Variants in FHIP1A observed in about 807,000 individuals in gnomAD.
The protein encoded by FHIP1A is FHF complex subunit HOOK interacting protein 1A, also known as FHF complex subunit HOOK-interacting protein 1A.
FHIP1A carries 61 observed loss-of-function variants against 88.6 expected under a neutral mutation model. The ratio of observed to expected loss-of-function variants is 0.69; its 90% CI spans 0.56 to 0.85. FHIP1A has a LOEUF of 0.85. Among genes scored for constraint, FHIP1A ranks in the 40% least tolerant of loss-of-function variants. The pLI, the probability that FHIP1A is intolerant of heterozygous loss-of-function variation, is 0.00. For missense variants in FHIP1A, 1,154 were observed against 1,273.5 expected, an observed-to-expected ratio of 0.91 and a Z score of 1.43; for synonymous variants, 478 against 496.0, an observed-to-expected ratio of 0.96 and a Z score of 0.48.
chr4:151,415,288 G>A (rs750472804), intron 1 of FHIP1A, among the ~76,000 whole-genome samples: 1 of 151,846 alleles, frequency 6.6e-6, no homozygotes, highest in Non-Finnish European at 1.5e-5. Context: ...CCAGGTTCGA[G>A]CAATTCTCCT....
intron 1 of FHIP1A, among the ~76,000 whole-genome samples, chr4:151,436,779 T>A (rs971702279): frequency 1.3e-5 from 2 of 152,172 alleles, no homozygotes; most frequent in African/African-American, 4.8e-5. Context: ...GAATTTTGTT[T>A]TAAAAATAGT....
chr4:151,560,769 A>G (rs138199532), intron 3 of FHIP1A, among the ~76,000 whole-genome samples: 137 of 152,280 alleles, frequency 9.0e-4, no homozygotes, highest in African/African-American at 3.2e-3. Flanking sequence ...TTTCTGTTCA[A>G]TCGCCAAGGA....
intron 3 of FHIP1A, among the ~76,000 whole-genome samples, chr4:151,518,716 G>A (rs1286794038): frequency 7.4e-6 from 1 of 134,840 alleles, no homozygotes; most frequent in East Asian, 2.4e-4. Context: ...TTTGAATGCG[G>A]TGGTGCAATC....
intron 1 of FHIP1A, among the ~76,000 whole-genome samples, chr4:151,427,426 G>A (rs1733423104): frequency 6.6e-6 from 1 of 152,032 alleles, no homozygotes; most frequent in Non-Finnish European, 1.5e-5. Flanking sequence ...GACATTTGTT[G>A]TTGATATATG....
intron 3 of FHIP1A, among the ~76,000 whole-genome samples, chr4:151,513,901 G>C (rs1180306372): frequency 6.6e-6 from 1 of 150,728 alleles, no homozygotes; most frequent in Non-Finnish European, 1.5e-5. Flanking sequence ...CAACGAGACA[G>C]AAAGTTAACA....
At chr4:151,606,821 G>C (rs62327269) in intron 7 of FHIP1A, among the ~76,000 whole-genome samples, 43,365 of 152,042 alleles carry the variant, frequency 0.29, 6,414 homozygotes, top group Non-Finnish European at 0.33. Context: ...GACTTAGATT[G>C]TATTCTCCAC....
At chr4:151,550,124 G>A (rs1462853254) in intron 3 of FHIP1A, among the ~76,000 whole-genome samples, 2 of 152,018 alleles carry the variant, frequency 1.3e-5, no homozygotes, top group African/African-American at 2.4e-5. Context: ...TACATAGTAG[G>A]TGTATGTATT....
intron 3 of FHIP1A, among the ~76,000 whole-genome samples, chr4:151,496,716 CT>C (rs58538673): frequency 9.2e-4 from 94 of 102,454 alleles, no homozygotes; most frequent in Admixed American, 1.2e-3. Context: ...CCACGTCCAG[CT>C]TTTTTTTTTT....
At chr4:151,441,590 T>C (rs1728415006) in intron 1 of FHIP1A, among the ~76,000 whole-genome samples, 1 of 152,194 alleles carries the variant, frequency 6.6e-6, no homozygotes, top group African/African-American at 2.4e-5. Flanking sequence ...ATGTTGGCTG[T>C]TCTTTCCTCT....
At chr4:151,623,252 GT>G (rs993277684) in intron 7 of FHIP1A, among the ~76,000 whole-genome samples, 5 of 152,162 alleles carry the variant, frequency 3.3e-5, no homozygotes, top group Non-Finnish European at 5.9e-5. Flanking sequence ...ATGAAAATAT[GT>G]TTTAGGGAGT....
At chr4:151,420,660 A>G (rs977800049) in intron 1 of FHIP1A, among the ~76,000 whole-genome samples, 2 of 152,186 alleles carry the variant, frequency 1.3e-5, no homozygotes, top group African/African-American at 4.8e-5. Flanking sequence ...CTTCTTCCCA[A>G]TTAGATTATA....
intron 3 of FHIP1A, among the ~76,000 whole-genome samples, chr4:151,489,881 C>G (rs183586522): frequency 6.6e-6 from 1 of 152,110 alleles, no homozygotes; most frequent in African/African-American, 2.4e-5. Context: ...TTCCTCTCCC[C>G]GCCCTAGTAG....
At chr4:151,497,565 G>C (rs1041099299) in intron 3 of FHIP1A, among the ~76,000 whole-genome samples, 17 of 152,150 alleles carry the variant, frequency 1.1e-4, no homozygotes, top group Non-Finnish European at 1.9e-4. Context: ...TCACAACCAG[G>C]GGTGATTTTT....
intron 3 of FHIP1A, among the ~76,000 whole-genome samples, chr4:151,497,358 T>C (rs1248366567): frequency 1.3e-5 from 2 of 152,260 alleles, no homozygotes; most frequent in African/African-American, 4.8e-5. Flanking sequence ...AAACTATCTA[T>C]GGCCCATGAA....
At chr4:151,588,389 T>C (rs921874740) in intron 6 of FHIP1A, among the ~76,000 whole-genome samples, 3 of 152,190 alleles carry the variant, frequency 2.0e-5, no homozygotes, top group African/African-American at 2.4e-5. Flanking sequence ...TAAATGTATT[T>C]AATTGTTTTG....
intron 8 of FHIP1A, among the ~76,000 whole-genome samples, chr4:151,633,320 T>C (rs1004448792): frequency 6.6e-6 from 1 of 151,838 alleles, no homozygotes; most frequent in African/African-American, 2.4e-5. Flanking sequence ...GTAATGATAA[T>C]TGAAAAATCT....
intron 3 of FHIP1A, among the ~76,000 whole-genome samples, chr4:151,508,049 A>T (rs1055178479): frequency 6.6e-6 from 1 of 152,236 alleles, no homozygotes; most frequent in Non-Finnish European, 1.5e-5. Context: ...GAAGTGGTAC[A>T]GGAAGACCAA....
intron 3 of FHIP1A, among the ~76,000 whole-genome samples, chr4:151,559,078 TTAAA>T (rs1733069227): frequency 6.6e-6 from 1 of 152,192 alleles, no homozygotes; most frequent in African/African-American, 2.4e-5. Flanking sequence ...ATGTTTTCTG[TTAAA>T]TATCTTTCAG....
At chr4:151,653,149 A>G (rs554312947) in intron 11 of FHIP1A, among the ~76,000 whole-genome samples, 13 of 152,340 alleles carry the variant, frequency 8.5e-5, no homozygotes, top group African/African-American at 2.4e-4. Context: ...TAAGGTGTAC[A>G]TACAGGGATG....
Sources: gnomAD v4.1 joint callset for allele counts (sites outside exome capture counted in the v4.1 genomes callset) on GRCh38, gnomAD v4.1.1 for gene constraint, MANE v1.5 for transcripts, NCBI Gene and HGNC (gene_info 2026-07-23, HGNC 2026-07-21) for gene names.